The following UGT1A5 variants were observed in gnomAD, a reference collection of about 807,000 sequenced individuals.
The protein encoded by UGT1A5 is UDP glucuronosyltransferase family 1 member A5.
A neutral mutation model predicts 40.3 loss-of-function variants in UGT1A5; 29 were observed. The observed-to-expected ratio is 0.72, with a 90% CI of 0.54 to 0.98. UGT1A5 has a LOEUF of 0.98. UGT1A5 is among the 50% of genes least tolerant of loss of function. The probability of loss-of-function intolerance (pLI) is 0.00; values close to 1 mark genes in which losing one functional copy is unlikely to be tolerated. For synonymous variants in UGT1A5, 257 were observed against 262.5 expected (o/e 0.98, Z 0.20); for missense variants, 678 against 677.9 (o/e 1.00, Z 0.00).
intron 1 of UGT1A5, among the ~76,000 whole-genome samples, chr2:233,737,902 T>C (rs1690626433): frequency 6.6e-6 from 1 of 152,134 alleles, no homozygotes; most frequent in Non-Finnish European, 1.5e-5. Flanking sequence ...TCGAGTGTGG[T>C]AAAGAACAGG....
intron 1 of UGT1A5, chr2:233,743,219 T>A (rs1133491): frequency 5.8e-5 from 24 of 411,238 alleles, no homozygotes; most frequent in Middle Eastern, 7.1e-4. Flanking sequence ...TAACTGCTCT[T>A]TGCTATTTAT....
Position 233,713,422 on chromosome 2 carries a change from C to T in UGT1A5, c.431C>T (p.Thr144Ile), listed in dbSNP as rs1163923876. ...NEALIRHLHATSFDVVLTDPF... is the reference protein window; with the variant it reads ...NEALIRHLHAISFDVVLTDPF... ...GCCCTGATCAGGCACCTGCATGCTACTTCCTTTGATGTGGTTCTAACAGAC... is the reference window on the plus strand; with the variant it reads ...GCCCTGATCAGGCACCTGCATGCTATTTCCTTTGATGTGGTTCTAACAGAC... Residue 144 changes from threonine (T) to isoleucine (I), a missense_variant, in exon 1 of 5, where the codon ACT (threonine) becomes ATT (isoleucine). Transcript: ENST00000373414. The T allele has an allele frequency of 1.2e-6, 2 of 1,614,168 alleles. No homozygotes were observed. Among genetic ancestry groups the T allele is most frequent in the Admixed American group, 3.3e-5 (2 of 60,020 alleles).
chr2:233,718,208 A>C (rs934013354), intron 1 of UGT1A5, among the ~76,000 whole-genome samples: 2 of 152,102 alleles, frequency 1.3e-5, no homozygotes, highest in Non-Finnish European at 2.9e-5. Context: ...TTTTTTTTAT[A>C]TTGACAGCCA....
At chr2:233,742,512 C>T (rs924249262) in intron 1 of UGT1A5, among the ~76,000 whole-genome samples, 15 of 151,990 alleles carry the variant, frequency 9.9e-5, no homozygotes, top group African/African-American at 3.6e-4. Context: ...ATCATGAACA[C>T]GTCACAGTGC....
chr2:233,725,276 A>AGAGGAGGCAGAGGCAGAG (rs1178808521), intron 1 of UGT1A5, among the ~76,000 whole-genome samples: 1 of 47,620 alleles, frequency 2.1e-5, no homozygotes, highest in Non-Finnish European at 4.2e-5. Flanking sequence ...AGGCAGAGGC[A>AGAGGAGGCAGAGGCAGAG]GAGGCAGAGG....
At chr2:233,717,649 C>G in intron 1 of UGT1A5, 1 of 403,118 alleles carries the variant, frequency 2.5e-6, no homozygotes, top group East Asian at 7.2e-5. Context: ...GCGACCAGGA[C>G]AAGGAAGCAT....
intron 4 of UGT1A5, among the ~76,000 whole-genome samples, chr2:233,772,017 G>T (rs1484729268): frequency 7.9e-5 from 12 of 152,188 alleles, no homozygotes; most frequent in African/African-American, 9.7e-5. Context: ...GGAGGCTGAG[G>T]CAGGAGGATG....
chr2:233,769,592 C>T lies in UGT1A5; in HGVS notation c.1307+1153C>T, dbSNP rs199786512. ...TGGAGCATGTTCAGATGAGAGGAGA[C>T]GGAACACGGGGACACACCAGCTTGA... On this transcript the variant is annotated intron_variant, in intron 4 of 4. Transcript: ENST00000373414. This position sits in a 1 kb window ranked among gnomAD's most constrained non-coding sequence, Gnocchi z 4.4. The T allele has an allele frequency of 1.8e-3, 2,836 of 1,612,822 alleles. 7 individuals carry two copies. The highest frequency in any genetic ancestry group is 2.6e-3 in the Middle Eastern group (16 of 6,052).
At chr2:233,732,423 T>C (rs1232820803) in intron 1 of UGT1A5, among the ~76,000 whole-genome samples, 1 of 152,264 alleles carries the variant, frequency 6.6e-6, no homozygotes, top group Non-Finnish European at 1.5e-5. Context: ...GGTTTTCTTC[T>C]AGGATTTTTA....
Position 233,769,243 on chromosome 2 carries a change from CA to C in UGT1A5, c.1307+807del. Among the ~76,000 whole-genome samples the C allele has an allele frequency of 6.6e-6, 1 of 152,264 alleles. No homozygotes were observed. The highest frequency in any genetic ancestry group is 1.9e-4 in the East Asian group (1 of 5,180). ...GAATAAGAGCAAAGGAAAATTTGCT[CA>C]AATGTGGCCCTGAAAACGATTCAAA... On this transcript the variant is annotated intron_variant, in intron 4 of 4. Coordinates refer to ENST00000373414, the MANE Select transcript of UGT1A5 (RefSeq NM_019078.2). The surrounding 1 kb of genome is among the most constrained non-coding windows in gnomAD (Gnocchi z 4.4).
rs939309903 is a variant in UGT1A5, at chr2:233,740,736, CCT to C, written c.868-26297_868-26296del. ...CATCTTTGCACCACAGGAAATGCCC[CCT>C]TTTACACTCTGAAAACCTTATCAAA... On this transcript the variant is annotated intron_variant, in intron 1 of 4. Coordinates refer to ENST00000373414, the MANE Select transcript of UGT1A5 (RefSeq NM_019078.2). 6.7e-4 allele frequency: 101 copies of C among 151,790 alleles called. 3 individuals are homozygous for C. The highest frequency in any genetic ancestry group is 2.3e-3 in the African/African-American group (96 of 41,118). 9.4% of individuals were successfully genotyped at this position (151,790 alleles called of 1,614,324 possible).
At chr2:233,760,167 A>T (rs982651614) in intron 1 of UGT1A5, 4 of 1,523,868 alleles carry the variant, frequency 2.6e-6, no homozygotes, top group Non-Finnish European at 2.6e-6. Flanking sequence ...ACCTTTGTGG[A>T]CTGACAGCTT....
At chr2:233,721,730 G>T (rs1364085120) in intron 1 of UGT1A5, 2 of 416,714 alleles carry the variant, frequency 4.8e-6, no homozygotes, top group South Asian at 3.7e-5. Flanking sequence ...ACTTGGATAA[G>T]CTTAATGATG....
chr2:233,729,269 T>C, intron 1 of UGT1A5: 1 of 1,614,208 alleles, frequency 6.2e-7, no homozygotes, highest in Non-Finnish European at 8.5e-7. Context: ...CGGGAGGTCT[T>C]GCGGGAGCTC....
In UGT1A5 at chr2:233,760,736, C is replaced by T. The variant is rs371418452; in HGVS notation, c.868-6298C>T. ...GAAAGCAGCTTTGATGTCATGCTGA[C>T]GGACCCTTTCCTTCCTTGCAGCCCC... is the stretch of plus-strand genomic sequence containing the variant. On this transcript the variant is annotated intron_variant, in intron 1 of 4. Coordinates refer to ENST00000373414, the MANE Select transcript of UGT1A5 (RefSeq NM_019078.2). The T allele has an allele frequency of 6.2e-7, 1 of 1,614,160 alleles. No homozygotes were observed.
intron 1 of UGT1A5, among the ~76,000 whole-genome samples, chr2:233,724,482 A>T (rs1472429927): frequency 6.4e-4 from 41 of 64,386 alleles, no homozygotes; most frequent in South Asian, 1.8e-3. Flanking sequence ...CACTTCTCAG[A>T]CGGGGCGGCC....
chr2:233,748,080 G>T, intron 1 of UGT1A5: 3 of 1,613,126 alleles, frequency 1.9e-6, no homozygotes, highest in South Asian at 2.2e-5. Flanking sequence ...ACTATCTCAG[G>T]TCGGTGTTCG....
intron 1 of UGT1A5, among the ~76,000 whole-genome samples, chr2:233,758,415 C>A (rs917812043): frequency 6.6e-6 from 1 of 152,194 alleles, no homozygotes; most frequent in African/African-American, 2.4e-5. Flanking sequence ...TGTCTATAAT[C>A]TGCAAATGAA....
chr2:233,729,730 T>G (rs1164529541), intron 1 of UGT1A5: 2 of 1,613,840 alleles, frequency 1.2e-6, no homozygotes, highest in Non-Finnish European at 1.7e-6. Flanking sequence ...AACAACCAAT[T>G]CAGACCACAT....
Sources: gnomAD v4.1 joint callset for allele counts (sites outside exome capture counted in the v4.1 genomes callset) on GRCh38, gnomAD v4.1.1 for gene constraint, Gnocchi (gnomAD v3.1) non-coding constraint, MANE v1.5 for transcripts, NCBI Gene and HGNC (gene_info 2026-07-23, HGNC 2026-07-21) for gene names.